The following DPY19L3 variants were observed in gnomAD, a reference collection of about 807,000 sequenced individuals.
DPY19L3 encodes the protein protein C-mannosyl-transferase DPY19L3.
In DPY19L3, 51 loss-of-function variants were observed where a neutral mutation model predicts 92.3. That is an observed-to-expected ratio of 0.55 (90% CI 0.44 to 0.70). The LOEUF is 0.70. Among genes scored for constraint, DPY19L3 ranks in the 30% least tolerant of loss-of-function variants. The pLI is 0.00. For missense variants in DPY19L3, 706 were observed against 855.9 expected, an observed-to-expected ratio of 0.82 and a Z score of 2.18; for synonymous variants, 309 against 315.2, an observed-to-expected ratio of 0.98 and a Z score of 0.21.
intron 8 of DPY19L3, among the ~76,000 whole-genome samples, chr19:32,443,112 C>T (rs1410707532): frequency 6.6e-6 from 1 of 152,134 alleles, no homozygotes; most frequent in Non-Finnish European, 1.5e-5. Flanking sequence ...CCCATGCTGT[C>T]GGTGCAGGCC....
intron 3 of DPY19L3, among the ~76,000 whole-genome samples, chr19:32,431,916 GA>G (rs940443457): frequency 1.3e-5 from 2 of 152,048 alleles, no homozygotes; most frequent in Non-Finnish European, 2.9e-5. Flanking sequence ...TCAATACGGT[GA>G]AAAAAATAAC....
At chr19:32,423,591 A>G (rs1397152841) in intron 3 of DPY19L3, among the ~76,000 whole-genome samples, 1 of 151,834 alleles carries the variant, frequency 6.6e-6, no homozygotes, top group Non-Finnish European at 1.5e-5. Context: ...CAAAAACCAC[A>G]ATTACTTTTG....
At chr19:32,445,996 G>A (rs968092569) in intron 8 of DPY19L3, among the ~76,000 whole-genome samples, 3 of 150,528 alleles carry the variant, frequency 2.0e-5, no homozygotes, top group African/African-American at 7.3e-5. Context: ...GTGAAACTTC[G>A]TCTCAAAAAA....
chr19:32,415,065 A>C (rs1027083586), intron 3 of DPY19L3, among the ~76,000 whole-genome samples: 1 of 152,250 alleles, frequency 6.6e-6, no homozygotes, highest in Admixed American at 6.5e-5. Context: ...TTAAGCACCT[A>C]CAGTATGCCA....
intron 16 of DPY19L3, among the ~76,000 whole-genome samples, chr19:32,469,767 T>C (rs1386398481): frequency 6.6e-6 from 1 of 152,242 alleles, no homozygotes; most frequent in Non-Finnish European, 1.5e-5. Context: ...GAATGAAATT[T>C]GTGTATTTCA....
rs777919177 is a variant in DPY19L3 at position 32,437,295 on chromosome 19, A to C, written c.552A>C (p.Thr184=). The part of the protein sequence containing the change: ...LYITSWLLSG[T]WLSGLLAAFW... Reference sequence around the variant, plus strand: ...TAACCAGCTGGCTACTCAGTGGTACATGGCTGTCAGGACTGTTGGCAGCTT... The same window carrying C: ...TAACCAGCTGGCTACTCAGTGGTACCTGGCTGTCAGGACTGTTGGCAGCTT... The change falls in exon 6 of 19, where the codon ACA becomes ACC. Residue 184 remains threonine (T), a synonymous_variant. Coordinates refer to ENST00000392250, the MANE Select transcript of DPY19L3 (RefSeq NM_001172774.2). 1.2e-6 allele frequency: 2 copies of C among 1,614,134 alleles called. No individual in the cohort carries two copies. The highest frequency in any genetic ancestry group is 1.6e-4 in the Middle Eastern group (1 of 6,062).
chr19:32,446,827 G>C (rs1487317016), intron 8 of DPY19L3, among the ~76,000 whole-genome samples: 1 of 152,110 alleles, frequency 6.6e-6, no homozygotes, highest in African/African-American at 2.4e-5. Flanking sequence ...AAAATCATCA[G>C]AGATATAGAA....
intron 3 of DPY19L3, among the ~76,000 whole-genome samples, chr19:32,429,093 C>T (rs1457514772): frequency 1.3e-5 from 2 of 152,032 alleles, no homozygotes; most frequent in African/African-American, 2.4e-5. Flanking sequence ...AGGATCCACC[C>T]GCCTCAGCCT....
chr19:32,409,228 T>G (rs574700395), intron 2 of DPY19L3, among the ~76,000 whole-genome samples: 1 of 152,368 alleles, frequency 6.6e-6, no homozygotes, highest in South Asian at 2.1e-4. Flanking sequence ...CCAGTGGCAC[T>G]GTCTTGCTGT....
intron 16 of DPY19L3, among the ~76,000 whole-genome samples, chr19:32,472,333 G>T (rs1402422323): frequency 2.0e-5 from 3 of 152,038 alleles, no homozygotes; most frequent in African/African-American, 7.2e-5. Context: ...GGCTGCGGTA[G>T]CCCCAGCCGC....
At chr19:32,450,554 G>A (rs1218087314) in intron 8 of DPY19L3, among the ~76,000 whole-genome samples, 1 of 152,176 alleles carries the variant, frequency 6.6e-6, no homozygotes, top group Non-Finnish European at 1.5e-5. Flanking sequence ...AAAAAAGAAT[G>A]TTGATACATG....
At chr19:32,473,558 G>A (rs905086497) in intron 16 of DPY19L3, among the ~76,000 whole-genome samples, 1 of 152,210 alleles carries the variant, frequency 6.6e-6, no homozygotes, top group African/African-American at 2.4e-5. Context: ...AGAAAGGACA[G>A]TGAATATAAG....
chr19:32,432,649 T>C (rs1445313720), intron 3 of DPY19L3, 67 bp from the exon 4 acceptor site: 1 of 1,339,980 alleles, frequency 7.5e-7, no homozygotes, highest in African/African-American at 1.5e-5. Context: ...GTATCCTTTC[T>C]ACAGTAACAA....
chr19:32,477,383 C>A, intron 16 of DPY19L3, 139 bp from the exon 17 acceptor site: 2 of 1,143,726 alleles, frequency 1.7e-6, no homozygotes, highest in Non-Finnish European at 2.5e-6. Context: ...AAAACCGAAG[C>A]AAACTCCCGT....
At chr19:32,418,412 T>C (rs1335214096) in intron 3 of DPY19L3, among the ~76,000 whole-genome samples, 1 of 152,238 alleles carries the variant, frequency 6.6e-6, no homozygotes, top group East Asian at 1.9e-4. Flanking sequence ...AAATGTTCAG[T>C]GTATGCACTG....
chr19:32,475,150 A>G (rs1970468202), intron 16 of DPY19L3, among the ~76,000 whole-genome samples: 1 of 152,166 alleles, frequency 6.6e-6, no homozygotes, highest in South Asian at 2.1e-4. Flanking sequence ...ACTGCATGCT[A>G]CTATAGCTTT....
chr19:32,467,376 C>G, intron 15 of DPY19L3: 1 of 942,708 alleles, frequency 1.1e-6, no homozygotes, highest in Non-Finnish European at 1.3e-6. Flanking sequence ...AGTTGGTATT[C>G]TATTGGTTAT....
intron 16 of DPY19L3, among the ~76,000 whole-genome samples, chr19:32,473,183 A>G (rs1354001625): frequency 6.6e-6 from 1 of 152,248 alleles, no homozygotes; most frequent in Non-Finnish European, 1.5e-5. Context: ...TTTAAATTAT[A>G]TAATGTAAAT....
At chr19:32,423,402 A>ATTTTTTTTTTTTTTTTTTTTTTTTTT (rs71176123) in intron 3 of DPY19L3, among the ~76,000 whole-genome samples, 22 of 82,224 alleles carry the variant, frequency 2.7e-4, no homozygotes, top group South Asian at 9.1e-4. Flanking sequence ...TGCCCAGCTA[A>ATTTTTTTTTTTTTTTTTTTTTTTTTT]TTTTTTTTTT....
Sources: gnomAD v4.1 joint callset for allele counts (sites outside exome capture counted in the v4.1 genomes callset) on GRCh38, gnomAD v4.1.1 for gene constraint, MANE v1.5 for transcripts, NCBI Gene and HGNC (gene_info 2026-07-23, HGNC 2026-07-21) for gene names.